FOXN4: variants seen among roughly 807,000 people sequenced by gnomAD.
FOXN4 encodes the protein forkhead box N4, also known as forkhead box protein N4.
Under a neutral mutation model 45.0 loss-of-function variants are expected in FOXN4, and 12 were observed. The observed-to-expected ratio is 0.27, with a 90% CI of 0.17 to 0.43. The LOEUF is 0.43. Among genes scored for constraint, FOXN4 ranks in the 20% least tolerant of loss-of-function variants. The probability of loss-of-function intolerance (pLI) is 1.00; values close to 1 mark genes in which losing one functional copy is unlikely to be tolerated. For synonymous variants in FOXN4, 297 were observed against 295.0 expected (o/e 1.01, Z -0.07); for missense variants, 560 against 694.9 (o/e 0.81, Z 2.18).
intron 7 of FOXN4, among the ~76,000 whole-genome samples, chr12:109,286,122 G>A (rs2136919948): frequency 6.6e-6 from 1 of 152,274 alleles, no homozygotes; most frequent in East Asian, 1.9e-4. Flanking sequence ...TTTTTGCTAA[G>A]GACACTGTCC....
rs757579785 is a variant in FOXN4 at position 109,281,638 on chromosome 12, A to G, written c.1063T>C (p.Ser355Pro). Residue 355 changes from serine to proline, a missense_variant, in exon 9 of 10, where the codon TCC becomes CCC. Coordinates refer to ENST00000299162, the MANE Select transcript of FOXN4 (RefSeq NM_213596.3). ...QLPPQPLMTL[S>P]LQSVPLHHQV... ...TGGTGCAGGGGGACTGACTGCAGGG[A>G]CAGGGTCATCAGTGGCTGGGGTGGG... 4.6e-5 allele frequency: 74 copies of G among 1,610,996 alleles called. No individual in the cohort carries two copies. The highest frequency in any genetic ancestry group is 6.1e-5 in the Non-Finnish European group (72 of 1,178,748).
intron 2 of FOXN4, among the ~76,000 whole-genome samples, chr12:109,292,996 C>T (rs1678786288): frequency 6.6e-6 from 1 of 152,126 alleles, no homozygotes; most frequent in African/African-American, 2.4e-5. Context: ...TTCCTGCAGC[C>T]CCACTCCTTC....
At chr12:109,302,457 T>C (rs1236793756) in intron 2 of FOXN4, among the ~76,000 whole-genome samples, 1 of 152,240 alleles carries the variant, frequency 6.6e-6, no homozygotes, top group Admixed American at 6.5e-5. Context: ...AGAATATCCA[T>C]CTTGAGTTTA....
chr12:109,293,294 C>T (rs1374040284), intron 2 of FOXN4, among the ~76,000 whole-genome samples: 2 of 152,152 alleles, frequency 1.3e-5, no homozygotes, highest in Non-Finnish European at 2.9e-5. Flanking sequence ...TTCCTGCTAC[C>T]CCGAGAGCAG....
chr12:109,305,288 A>G (rs1466503602), intron 2 of FOXN4, among the ~76,000 whole-genome samples: 3 of 152,124 alleles, frequency 2.0e-5, no homozygotes, highest in African/African-American at 7.2e-5. Flanking sequence ...TGGGGATTTG[A>G]TGGGATTTGA....
intron 2 of FOXN4, among the ~76,000 whole-genome samples, chr12:109,303,136 CAT>C (rs1017476222): frequency 3.7e-4 from 56 of 152,148 alleles, no homozygotes; most frequent in African/African-American, 1.3e-3. Context: ...TGCATGCACA[CAT>C]GTGTTTTTTA....
At chr12:109,294,130 C>A (rs996548175) in intron 2 of FOXN4, among the ~76,000 whole-genome samples, 8 of 152,112 alleles carry the variant, frequency 5.3e-5, no homozygotes, top group Non-Finnish European at 1.2e-4. Context: ...TGGGGCTACG[C>A]GAACCGGCAT....
rs115641348 is a variant in FOXN4 at position 109,301,574 on chromosome 12, C to T, written c.86+6662G>A. On this transcript the variant is annotated intron_variant, in intron 2 of 9. Transcript: ENST00000299162. ...TCACTCATCTTAAGATCACTGTACA[C>T]ACTGTTCCCTCTGCCTGGAATGCTG... 2.3e-3 allele frequency among the ~76,000 whole-genome samples: 343 copies of T among 152,346 alleles called. 2 individuals carry two copies. The highest frequency in any genetic ancestry group is 8.2e-3 in the African/African-American group (339 of 41,586).
In FOXN4 at chr12:109,291,438, T is replaced by C. The variant is rs925678645; in HGVS notation, c.87-1152A>G. On this transcript the variant is annotated intron_variant, in intron 2 of 9. Coordinates refer to ENST00000299162, the MANE Select transcript of FOXN4 (RefSeq NM_213596.3). This position sits in a 1 kb window ranked among gnomAD's most constrained non-coding sequence, Gnocchi z 6.6. Reference sequence around the variant, plus strand: ...GTTCCATGTTTCAAAAATAGCCTCATAGATTGAGGGGCAGAGAGAGGCGGG... The same window carrying C: ...GTTCCATGTTTCAAAAATAGCCTCACAGATTGAGGGGCAGAGAGAGGCGGG... 1.3e-5 allele frequency among the ~76,000 whole-genome samples: 2 copies of C among 151,904 alleles called. No individual in the cohort carries two copies. The highest frequency in any genetic ancestry group is 2.4e-5 in the African/African-American group (1 of 41,362).
chr12:109,287,889 T>G lies in FOXN4; in HGVS notation c.423A>C (p.Ser141=). The G allele has an allele frequency of 6.4e-7, 1 of 1,550,426 alleles. No homozygotes were observed. Among genetic ancestry groups the G allele is most frequent in the East Asian group, 2.4e-5 (1 of 40,834 alleles). ...GCGGGAACTGTGGTTGGGTGGCAGG[T>G]GAGTACAGATGCGGCGGGTCCTGCA... ...SGLQDPPHLY[S]PATQPQFPLP... Residue 141 remains serine, a synonymous_variant, in exon 5 of 10, where the codon TCA becomes TCC. Transcript: ENST00000299162. The surrounding 1 kb of genome is among the most constrained non-coding windows in gnomAD (Gnocchi z 4.1).
chr12:109,290,412 C>T lies in FOXN4; in HGVS notation c.87-126G>A. 1.7e-6 allele frequency: 2 copies of T among 1,180,544 alleles called. No individual in the cohort carries two copies. The highest frequency in any genetic ancestry group is 2.3e-6 in the Non-Finnish European group (2 of 863,094). The allele number at this position is 1,180,544 out of a possible 1,614,324, so 73.1% of individuals were successfully genotyped here. ...TCCCCAAGCCACGCCAGCCCTCCAA[C>T]CTGCCCGTCCCCAGGACTGGACACG... is the stretch of plus-strand genomic sequence containing the variant. On this transcript the variant is annotated intron_variant, in intron 2 of 9. Coordinates refer to ENST00000299162, the MANE Select transcript of FOXN4 (RefSeq NM_213596.3). This position sits in a 1 kb window ranked among gnomAD's most constrained non-coding sequence, Gnocchi z 5.1.
intron 2 of FOXN4, among the ~76,000 whole-genome samples, chr12:109,301,679 T>A (rs1237144481): frequency 6.6e-6 from 1 of 152,016 alleles, no homozygotes; most frequent in Non-Finnish European, 1.5e-5. Context: ...GCCCTCCCTA[T>A]CTCTTCCTGT....
intron 2 of FOXN4, among the ~76,000 whole-genome samples, chr12:109,304,223 G>A (rs1248406117): frequency 1.4e-3 from 18 of 12,862 alleles, no homozygotes; most frequent in African/African-American, 5.1e-3. Context: ...AAAAGAAAGA[G>A]AAAGAAAGAA....
rs1026023110 is a variant in FOXN4 at position 109,290,137 on chromosome 12, C to G, written c.232+4G>C. On this transcript the variant is annotated splice_donor_region_variant and intron_variant, in intron 3 of 9. Coordinates refer to ENST00000299162, the MANE Select transcript of FOXN4 (RefSeq NM_213596.3). This position sits in a 1 kb window ranked among gnomAD's most constrained non-coding sequence, Gnocchi z 5.1. ...CTCCCTGCCTACCTTGTCCCTGAGC[C>G]TACCTGGGTGTGGATGTGGCACGCA... is the stretch of plus-strand genomic sequence containing the variant. 11 of 1,543,450 alleles carry G rather than the reference C, an allele frequency of 7.1e-6. No individual in the cohort carries two copies. Among genetic ancestry groups the G allele is most frequent in the Non-Finnish European group, 9.6e-6 (11 of 1,142,656 alleles).
In FOXN4 at chr12:109,290,048, G is replaced by A. The variant is rs901326895; in HGVS notation, c.232+93C>T. Reference sequence around the variant, plus strand: ...AGAGGCCCAGAGAGACTGGGAGACCGGGTCATGGCTGCACAGTGGGTGGGT... The same window carrying A: ...AGAGGCCCAGAGAGACTGGGAGACCAGGTCATGGCTGCACAGTGGGTGGGT... On this transcript the variant is annotated intron_variant, in intron 3 of 9. Coordinates refer to ENST00000299162, the MANE Select transcript of FOXN4 (RefSeq NM_213596.3). This position sits in a 1 kb window ranked among gnomAD's most constrained non-coding sequence, Gnocchi z 5.1. 8.7e-6 allele frequency: 12 copies of A among 1,376,472 alleles called. No individual in the cohort carries two copies. In the African/African-American group the frequency reaches 8.8e-5, roughly 10 times the overall value. The allele number at this position is 1,376,472 out of a possible 1,614,324, so 85.3% of individuals were successfully genotyped here.
chr12:109,282,947 G>A (rs1255952242), intron 8 of FOXN4, among the ~76,000 whole-genome samples: 1 of 150,808 alleles, frequency 6.6e-6, no homozygotes, highest in African/African-American at 2.4e-5. Flanking sequence ...TCTCGGTGGG[G>A]TGGGCGCGAT....
chr12:109,284,354 A>G (rs537403355), intron 8 of FOXN4, among the ~76,000 whole-genome samples: 6 of 152,188 alleles, frequency 3.9e-5, no homozygotes, highest in Non-Finnish European at 5.9e-5. Context: ...TCTTCCCATC[A>G]TCCTGGCTGA....
At chr12:109,306,751 C>T (rs1197808759) in intron 2 of FOXN4, among the ~76,000 whole-genome samples, 2 of 152,206 alleles carry the variant, frequency 1.3e-5, no homozygotes, top group Non-Finnish European at 2.9e-5. Flanking sequence ...ATTTCTATCC[C>T]CATTCTACAG....
intron 2 of FOXN4, among the ~76,000 whole-genome samples, chr12:109,304,219 AAGAGAAAGAAAGAAAGAAAG>A (rs2047892600): frequency 8.1e-6 from 1 of 122,962 alleles, no homozygotes; most frequent in Non-Finnish European, 1.7e-5. Context: ...AAAGAAAAGA[AAGAGAAAGAAAGAAAGAAAG>A]AAAGAAAGAA....
Sources: allele counts gnomAD v4.1 joint callset (sites outside exome capture counted in the v4.1 genomes callset), GRCh38; gene constraint gnomAD v4.1.1; non-coding constraint Gnocchi (gnomAD v3.1); transcripts MANE v1.5; gene names NCBI Gene and HGNC (gene_info 2026-07-23, HGNC 2026-07-21).